Variants in STARD3 observed in about 807,000 individuals in gnomAD.
STARD3 encodes stAR-related lipid transfer protein 3.
A neutral mutation model predicts 62.0 loss-of-function variants in STARD3; 39 were observed. The ratio of observed to expected loss-of-function variants is 0.63; its 90% CI spans 0.49 to 0.82. The LOEUF (loss-of-function observed/expected upper bound fraction) is 0.82, where lower values mean the gene tolerates loss of function less well. STARD3 is among the 40% of genes least tolerant of loss of function. The pLI, the probability that STARD3 is intolerant of heterozygous loss-of-function variation, is 0.00. For missense variants in STARD3, 543 were observed against 584.5 expected, an observed-to-expected ratio of 0.93 and a Z score of 0.73; for synonymous variants, 229 against 242.4, an observed-to-expected ratio of 0.94 and a Z score of 0.51.
intron 1 of STARD3, among the ~76,000 whole-genome samples, chr17:39,638,063 T>C (rs902732338): frequency 6.6e-6 from 1 of 152,210 alleles, no homozygotes; most frequent in Non-Finnish European, 1.5e-5. Flanking sequence ...GATTAATTCT[T>C]CCTCTACCCC....
intron 1 of STARD3, among the ~76,000 whole-genome samples, chr17:39,640,114 C>T (rs947473173): frequency 2.6e-5 from 4 of 152,172 alleles, no homozygotes; most frequent in Non-Finnish European, 4.4e-5. Flanking sequence ...CCTTGGAACC[C>T]GCATGTTGCA....
At chr17:39,659,748 T>TC (rs2057174534) in intron 9 of STARD3, 195 bp downstream of exon 9, 2 of 506,102 alleles carry the variant, frequency 4.0e-6, no homozygotes, top group South Asian at 2.2e-5. Flanking sequence ...TGGCCCCCCT[T>TC]CCCCGCACCC....
Position 39,662,250 on chromosome 17 carries a change from G to A in STARD3, c.1140-1G>A. ...CCCCCCAATGATGCCTCTTTCCATA[G>A]GGGAGAGAATGGCCCTGGGGGCTTC... On this transcript the variant is annotated splice_acceptor_variant, in intron 13 of 14. Transcript: ENST00000336308. LOFTEE classifies it high-confidence loss of function. 6.2e-7 allele frequency: 1 copy of A among 1,613,600 alleles called. No homozygotes were observed. The highest frequency in any genetic ancestry group is 2.2e-5 in the East Asian group (1 of 44,878).
At chr17:39,661,294 C>A (rs2145047675) in intron 13 of STARD3, 1 of 587,278 alleles carries the variant, frequency 1.7e-6, no homozygotes, top group Non-Finnish European at 3.0e-6. Flanking sequence ...ACAGCTGGAA[C>A]CAAGCCACCA....
intron 1 of STARD3, among the ~76,000 whole-genome samples, chr17:39,647,029 A>G (rs2057032723): frequency 1.3e-5 from 2 of 152,024 alleles, no homozygotes; most frequent in Admixed American, 1.3e-4. Context: ...GTGAAACCCC[A>G]TCTCTACTAA....
chr17:39,638,030 C>T (rs1055297001), intron 1 of STARD3, among the ~76,000 whole-genome samples: 1 of 152,240 alleles, frequency 6.6e-6, no homozygotes, highest in Admixed American at 6.5e-5. Context: ...TGGGTCCAAA[C>T]TTGAACTGGT....
chr17:39,662,484 T>C, intron 14 of STARD3, 140 bp downstream of exon 14: 1 of 853,750 alleles, frequency 1.2e-6, no homozygotes, highest in Non-Finnish European at 1.8e-6. Flanking sequence ...CTTGAAAATT[T>C]GGGTCAGGGT....
At chr17:39,647,612 C>T (rs1443905272) in intron 1 of STARD3, among the ~76,000 whole-genome samples, 1 of 152,168 alleles carries the variant, frequency 6.6e-6, no homozygotes, top group Non-Finnish European at 1.5e-5. Flanking sequence ...GTTTTCATCA[C>T]TTAGACTGGC....
chr17:39,661,729 G>T, intron 13 of STARD3, among the ~76,000 whole-genome samples: 1 of 152,214 alleles, frequency 6.6e-6, no homozygotes, highest in East Asian at 1.9e-4. Flanking sequence ...GGACAGACTT[G>T]CTGGGTGCAG....
At chr17:39,652,377 G>T (rs1234974457) in intron 1 of STARD3, 1 of 152,270 alleles carries the variant, frequency 6.6e-6, no homozygotes, top group East Asian at 1.9e-4. Flanking sequence ...GATAAAGCCC[G>T]TGAGGCCATG....
intron 5 of STARD3, 27 bp from the exon 6 acceptor site, chr17:39,658,378 A>G: frequency 1.2e-6 from 2 of 1,602,878 alleles, no homozygotes; most frequent in East Asian, 2.2e-5. Context: ...GACCCCTGCC[A>G]TGGAGCTCAG....
At chr17:39,659,397 G>C (rs1350939998) in intron 8 of STARD3, 64 bp from the exon 9 acceptor site, 4 of 1,499,468 alleles carry the variant, frequency 2.7e-6, no homozygotes, top group Non-Finnish European at 3.7e-6. Flanking sequence ...AGAGAGAACA[G>C]GCCACGAACA....
chr17:39,638,717 G>C (rs1478357087), intron 1 of STARD3, among the ~76,000 whole-genome samples: 1 of 152,198 alleles, frequency 6.6e-6, no homozygotes, highest in African/African-American at 2.4e-5. Flanking sequence ...CCTTGATGAA[G>C]TCAGTGCCTC....
At chr17:39,641,075 C>A (rs2056978995) in intron 1 of STARD3, among the ~76,000 whole-genome samples, 1 of 152,230 alleles carries the variant, frequency 6.6e-6, no homozygotes, top group Admixed American at 6.5e-5. Context: ...AATGTGCCAT[C>A]CTAGCCAGGC....
intron 1 of STARD3, among the ~76,000 whole-genome samples, chr17:39,652,161 TG>T (rs2057084337): frequency 6.6e-6 from 1 of 151,800 alleles, no homozygotes; most frequent in Non-Finnish European, 1.5e-5. Context: ...GGGCATGGGG[TG>T]GGGGGCGGTA....
chr17:39,646,760 T>G (rs1026785287), intron 1 of STARD3, among the ~76,000 whole-genome samples: 1 of 152,192 alleles, frequency 6.6e-6, no homozygotes, highest in Non-Finnish European at 1.5e-5. Flanking sequence ...CTGGTACTAT[T>G]GTATCCTAGG....
chr17:39,659,758 C>A, intron 9 of STARD3: 1 of 573,618 alleles, frequency 1.7e-6, no homozygotes, highest in Non-Finnish European at 3.1e-6. Flanking sequence ...TCCCCGCACC[C>A]CCCATGTTTA....
chr17:39,658,886 G>A, intron 7 of STARD3, 66 bp downstream of exon 7: 2 of 1,589,458 alleles, frequency 1.3e-6, no homozygotes, highest in Non-Finnish European at 1.7e-6. Context: ...GGTAGGCTGG[G>A]TCTGTTCTTT....
rs762576598 is a variant in STARD3 at position 39,660,896 on chromosome 17, C to T, written c.1034+7C>T. On this transcript the variant is annotated splice_region_variant and intron_variant, in intron 12 of 14. Coordinates refer to ENST00000336308, the MANE Select transcript of STARD3 (RefSeq NM_006804.4). The surrounding 1 kb of genome is among the most constrained non-coding windows in gnomAD (Gnocchi z 4.8). ...GCGGCGTGGTCTCCCCAAGGTGAGT[C>T]CATGCCGGGCCCCCTCCTTTCAGCC... is the stretch of plus-strand genomic sequence containing the variant. 5 of 1,604,534 alleles carry T rather than the reference C, an allele frequency of 3.1e-6. No homozygotes were observed. The highest frequency in any genetic ancestry group is 3.4e-5 in the Admixed American group (2 of 59,620).
Sources: gnomAD v4.1 joint callset for allele counts (sites outside exome capture counted in the v4.1 genomes callset) on GRCh38, gnomAD v4.1.1 for gene constraint, Gnocchi (gnomAD v3.1) non-coding constraint, MANE v1.5 for transcripts, NCBI Gene and HGNC (gene_info 2026-07-23, HGNC 2026-07-21) for gene names.